The following C1orf87 variants were observed in gnomAD, a reference collection of about 807,000 sequenced individuals.
C1orf87 encodes chromosome 1 open reading frame 87, also known as uncharacterized protein C1orf87.
Under a neutral mutation model 60.5 loss-of-function variants are expected in C1orf87, and 58 were observed. The ratio of observed to expected loss-of-function variants is 0.96; its 90% CI spans 0.78 to 1.19. The LOEUF (loss-of-function observed/expected upper bound fraction) is 1.19. Among genes scored for constraint, C1orf87 ranks in the 50% most tolerant of loss-of-function variants. The pLI, the probability that C1orf87 is intolerant of heterozygous loss-of-function variation, is 0.00. For synonymous variants in C1orf87, 236 were observed against 227.4 expected, an observed-to-expected ratio of 1.04 and a Z score of -0.34; for missense variants, 673 against 638.6, an observed-to-expected ratio of 1.05 and a Z score of -0.58.
At chr1:60,005,978 A>G (rs773172493) in intron 9 of C1orf87, among the ~76,000 whole-genome samples, 1 of 152,016 alleles carries the variant, frequency 6.6e-6, no homozygotes, top group African/African-American at 2.4e-5. Context: ...GTTTAAGCCT[A>G]TCATGGTATC....
intron 2 of C1orf87, among the ~76,000 whole-genome samples, chr1:60,059,612 G>T (rs1033831801): frequency 6.6e-6 from 1 of 152,088 alleles, no homozygotes; most frequent in African/African-American, 2.4e-5. Context: ...GGGATCCCCC[G>T]CTGGCCCCAC....
intron 2 of C1orf87, among the ~76,000 whole-genome samples, chr1:60,062,865 T>C (rs887948701): frequency 6.6e-6 from 1 of 152,176 alleles, no homozygotes; most frequent in Non-Finnish European, 1.5e-5. Flanking sequence ...CGGACACTTA[T>C]AAGTTTTCTA....
intron 9 of C1orf87, among the ~76,000 whole-genome samples, chr1:60,002,980 C>T (rs1211375140): frequency 6.6e-5 from 10 of 151,716 alleles, no homozygotes; most frequent in Admixed American, 3.9e-4. Context: ...GGTATATACC[C>T]GAAGGACTAT....
intron 8 of C1orf87, among the ~76,000 whole-genome samples, chr1:60,018,327 T>A (rs893826541): frequency 5.3e-5 from 8 of 152,344 alleles, no homozygotes; most frequent in African/African-American, 1.9e-4. Flanking sequence ...TTAGTTCTTA[T>A]GGTTGTGATA....
At chr1:60,064,835 T>G (rs1369977277) in intron 2 of C1orf87, among the ~76,000 whole-genome samples, 3 of 93,272 alleles carry the variant, frequency 3.2e-5, no homozygotes, top group African/African-American at 1.3e-4. Flanking sequence ...ATATTAAATA[T>G]ATAATTATAT....
Position 59,990,625 on chromosome 1 carries a change from A to G in C1orf87, c.*48T>C, listed in dbSNP as rs368679587. On this transcript the variant is annotated 3_prime_UTR_variant, in exon 12 of 12. Transcript: ENST00000371201. ...GCTGGGGAGAAACATGTGTCTGGGT[A>G]AAAAGGGAGATAAGGGAAACATCTG... 97 of 1,595,636 alleles carry G rather than the reference A, an allele frequency of 6.1e-5. 1 individual carries two copies. Among genetic ancestry groups the G allele is most frequent in the Non-Finnish European group, 1.3e-5 (15 of 1,167,056 alleles).
intron 9 of C1orf87, among the ~76,000 whole-genome samples, chr1:60,005,738 C>T (rs1291730997): frequency 6.6e-6 from 1 of 150,874 alleles, no homozygotes; most frequent in Non-Finnish European, 1.5e-5. Context: ...CTAAAAGGCC[C>T]CATGGGCCAC....
chr1:60,072,422 A>G, intron 2 of C1orf87, 115 bp downstream of exon 2: 2 of 723,032 alleles, frequency 2.8e-6, no homozygotes, highest in Non-Finnish European at 4.5e-6. Flanking sequence ...TTGCATCTTA[A>G]TGACTTCGTT....
intron 3 of C1orf87, among the ~76,000 whole-genome samples, chr1:60,044,295 G>A (rs564501182): frequency 2.0e-5 from 3 of 152,332 alleles, no homozygotes; most frequent in East Asian, 1.9e-4. Flanking sequence ...CTCCCAAAGC[G>A]CTGGGATTAC....
intron 11 of C1orf87, among the ~76,000 whole-genome samples, chr1:59,993,756 CT>C (rs768907279): frequency 0.024 from 3,153 of 129,180 alleles, 85 homozygotes; most frequent in African/African-American, 0.081. Flanking sequence ...AATAAGAATC[CT>C]TTTTTTTTTT....
intron 8 of C1orf87, 116 bp downstream of exon 8, chr1:60,025,285 A>G: frequency 1.3e-6 from 1 of 754,976 alleles, no homozygotes; most frequent in South Asian, 1.8e-5. Flanking sequence ...TCTAAACCTA[A>G]TCACCTCCCA....
At chr1:60,065,138 T>C (rs1002464804) in intron 2 of C1orf87, among the ~76,000 whole-genome samples, 10 of 137,976 alleles carry the variant, frequency 7.2e-5, no homozygotes, top group Non-Finnish European at 1.4e-4. Context: ...GAGGCAACCT[T>C]ATACAAAAAG....
In C1orf87 at chr1:59,990,659, A is replaced by T. The variant is rs1300220435; in HGVS notation, c.*14T>A. The T allele has an allele frequency of 1.9e-6, 3 of 1,613,352 alleles. No homozygotes were observed. Among genetic ancestry groups the T allele is most frequent in the Admixed American group, 3.3e-5 (2 of 59,988 alleles). On this transcript the variant is annotated 3_prime_UTR_variant, in exon 12 of 12. Transcript: ENST00000371201. ...GATAAGGGAAACATCTGTTCTCACAATATGGGCTTGTTATCATAGCTCCTT... is the reference window on the plus strand; with the variant it reads ...GATAAGGGAAACATCTGTTCTCACATTATGGGCTTGTTATCATAGCTCCTT...
In C1orf87 at chr1:59,997,665, A is replaced by G. The variant is rs1251495550; in HGVS notation, c.1424T>C (p.Ile475Thr). Residue 475 changes from isoleucine (I) to threonine (T), a missense_variant, in exon 11 of 12, where the codon ATA (isoleucine) becomes ACA (threonine). Transcript: ENST00000371201. ...ATTTTCCAGCTTCCTGAACCTGTCT[A>G]TCCACGTCTCACATTCCTCAGCCTT... ...KNKAEECETW[I>T]DRFRKLENAL... is the part of the protein sequence containing the mutation. 2.5e-6 allele frequency: 4 copies of G among 1,613,784 alleles called. No individual in the cohort carries two copies. The highest frequency in any genetic ancestry group is 2.7e-5 in the African/African-American group (2 of 74,872).
intron 3 of C1orf87, among the ~76,000 whole-genome samples, chr1:60,053,314 T>C (rs1326448435): frequency 6.6e-6 from 1 of 152,222 alleles, no homozygotes; most frequent in Non-Finnish European, 1.5e-5. Flanking sequence ...GAATTGTGGG[T>C]CTGCCACTTC....
intron 8 of C1orf87, among the ~76,000 whole-genome samples, chr1:60,016,312 C>T (rs1645123873): frequency 6.6e-6 from 1 of 152,126 alleles, no homozygotes; most frequent in African/African-American, 2.4e-5. Context: ...AGCATCTAGC[C>T]CCATACCTGG....
intron 4 of C1orf87, among the ~76,000 whole-genome samples, chr1:60,040,426 G>T (rs1645313876): frequency 6.6e-6 from 1 of 152,218 alleles, no homozygotes; most frequent in African/African-American, 2.4e-5. Context: ...GGTAGAAGAT[G>T]CTTTAACATA....
chr1:59,999,566 A>G (rs1442809175), intron 10 of C1orf87, among the ~76,000 whole-genome samples: 1 of 152,116 alleles, frequency 6.6e-6, no homozygotes, highest in African/African-American at 2.4e-5. Flanking sequence ...TGACCACTGA[A>G]GACAAGGAAA....
chr1:60,034,909 A>G lies in C1orf87; in HGVS notation c.864-1268T>C, dbSNP rs192006679. Among the ~76,000 whole-genome samples, 16 of 152,056 alleles carry G rather than the reference A, an allele frequency of 1.1e-4. No individual in the cohort carries two copies. The East Asian group carries it at 2.9e-3, about 27-fold the overall frequency. On this transcript the variant is annotated intron_variant, in intron 6 of 11. Coordinates refer to ENST00000371201, the MANE Select transcript of C1orf87 (RefSeq NM_152377.3). ...ATTTTAGATGTATATAACTTTGTCC[A>G]AAGGTGATATTATTTCCTTTTTTTT...
Sources: gnomAD v4.1 joint callset for allele counts (sites outside exome capture counted in the v4.1 genomes callset) on GRCh38, gnomAD v4.1.1 for gene constraint, MANE v1.5 for transcripts, NCBI Gene and HGNC (gene_info 2026-07-23, HGNC 2026-07-21) for gene names.